Variants in PTPRB observed in about 807,000 individuals in gnomAD.
The protein encoded by PTPRB is protein tyrosine phosphatase receptor type B.
Under a neutral mutation model 238.1 loss-of-function variants are expected in PTPRB, and 97 were observed. The observed-to-expected ratio is 0.41, with a 90% CI of 0.35 to 0.48. The LOEUF (loss-of-function observed/expected upper bound fraction) is 0.48. Among genes scored for constraint, PTPRB ranks in the 20% least tolerant of loss-of-function variants. The pLI is 0.30. For missense variants in PTPRB, 2,292 were observed against 2,681.9 expected (o/e 0.85, Z 3.21); for synonymous variants, 970 against 995.4 (o/e 0.97, Z 0.48).
chr12:70,628,727 A>G (rs777183539), intron 2 of PTPRB, among the ~76,000 whole-genome samples: 1 of 151,996 alleles, frequency 6.6e-6, no homozygotes, highest in Non-Finnish European at 1.5e-5. Flanking sequence ...AATAGATGCA[A>G]CTGTAACTTT....
chr12:70,515,884 G>A lies in PTPRB; in HGVS notation c.*5605C>T, dbSNP rs1482836592. The A allele has an allele frequency of 2.6e-5, 4 of 152,048 alleles. No homozygotes were observed. The highest frequency in any genetic ancestry group is 9.7e-5 in the African/African-American group (4 of 41,402). 9.4% of individuals were successfully genotyped at this position (152,048 alleles called of 1,614,324 possible). On this transcript the variant is annotated 3_prime_UTR_variant, in exon 34 of 34. Transcript: ENST00000334414. The stretch of plus-strand genomic sequence containing the variant: ...GAGCACTCTCCTTCAACAAACTGCA[G>A]TTTTATTCCTGTACTAGTGAGAATG...
At chr12:70,568,995 C>A (rs1879680880) in intron 14 of PTPRB, among the ~76,000 whole-genome samples, 1 of 152,052 alleles carries the variant, frequency 6.6e-6, no homozygotes, top group African/African-American at 2.4e-5. Flanking sequence ...GTTTTTTTAG[C>A]TCTACCAGGT....
intron 8 of PTPRB, among the ~76,000 whole-genome samples, chr12:70,589,050 T>C (rs1230077028): frequency 6.6e-6 from 1 of 152,230 alleles, no homozygotes; most frequent in African/African-American, 2.4e-5. Context: ...ATCTTCCATT[T>C]CCAAGTTATT....
chr12:70,562,338 G>C (rs1878600655), intron 16 of PTPRB, among the ~76,000 whole-genome samples: 1 of 152,118 alleles, frequency 6.6e-6, no homozygotes, highest in Non-Finnish European at 1.5e-5. Context: ...TATGGGAAAA[G>C]GGTAGATTCT....
chr12:70,607,682 G>A (rs965043114), intron 4 of PTPRB, among the ~76,000 whole-genome samples: 4 of 151,456 alleles, frequency 2.6e-5, no homozygotes, highest in East Asian at 1.9e-4. Flanking sequence ...GATTACAGGC[G>A]CCCGCCACCA....
At chr12:70,574,351 G>A (rs558795862) in intron 11 of PTPRB, among the ~76,000 whole-genome samples, 1 of 152,320 alleles carries the variant, frequency 6.6e-6, no homozygotes, top group Non-Finnish European at 1.5e-5. Flanking sequence ...CAGATATGGA[G>A]CAAGGACAGA....
At chr12:70,566,346 A>G (rs1879294484) in intron 15 of PTPRB, 89 bp downstream of exon 15, 9 of 1,442,338 alleles carry the variant, frequency 6.2e-6, no homozygotes, top group South Asian at 4.1e-5. Flanking sequence ...TCATCTCCCA[A>G]TGTTGCTTCA....
At chr12:70,540,698 T>A in intron 23 of PTPRB, 160 bp downstream of exon 23, 3 of 616,594 alleles carry the variant, frequency 4.9e-6, no homozygotes, top group Non-Finnish European at 5.6e-6. Context: ...GAAAAGTGAG[T>A]CATGGCTTTA....
At chr12:70,557,344 T>TC (rs1393977342) in intron 18 of PTPRB, among the ~76,000 whole-genome samples, 168 of 152,330 alleles carry the variant, frequency 1.1e-3, no homozygotes, top group African/African-American at 3.8e-3. Flanking sequence ...GATTTTCTGT[T>TC]ACCCATAGCC....
chr12:70,553,487 A>C (rs1309401219), intron 20 of PTPRB, among the ~76,000 whole-genome samples: 2 of 152,212 alleles, frequency 1.3e-5, no homozygotes, highest in African/African-American at 2.4e-5. Context: ...CGTGCTCCAC[A>C]TGTCATGCCC....
chr12:70,624,133 A>G (rs970591757), intron 2 of PTPRB, among the ~76,000 whole-genome samples: 1 of 152,190 alleles, frequency 6.6e-6, no homozygotes, highest in Non-Finnish European at 1.5e-5. Flanking sequence ...CATTCTATCC[A>G]GTCAAATAAT....
intron 3 of PTPRB, among the ~76,000 whole-genome samples, chr12:70,619,289 G>C (rs1350859428): frequency 6.7e-6 from 1 of 149,988 alleles, no homozygotes; most frequent in African/African-American, 2.5e-5. Flanking sequence ...GATAGTGGGT[G>C]GTGGTGGTGA....
In PTPRB at chr12:70,626,370, C is replaced by T. The variant is rs867638807; in HGVS notation, c.452-3724G>A. 7.5e-4 allele frequency among the ~76,000 whole-genome samples: 51 copies of T among 68,062 alleles called. 1 individual carries two copies. Among genetic ancestry groups the T allele is most frequent in the Admixed American group, 5.1e-3 (31 of 6,066 alleles). 44.7% of individuals were successfully genotyped at this position (68,062 alleles called of 152,430 possible). On this transcript the variant is annotated intron_variant, in intron 2 of 33. Transcript: ENST00000334414. ...ATCTATCTATCTATCTATCTATATT[C>T]CTGCCTGCCTGCCTGCCTGCCTGCC...
chr12:70,592,425 C>T lies in PTPRB; in HGVS notation c.1637G>A (p.Gly546Glu). 2 of 1,613,736 alleles carry T rather than the reference C, an allele frequency of 1.2e-6. No individual in the cohort carries two copies. Among genetic ancestry groups the T allele is most frequent in the Non-Finnish European group, 1.7e-6 (2 of 1,179,828 alleles). The change falls in exon 7 of 34, where the codon GGG becomes GAG. Residue 546 changes from glycine (G) to glutamate (E), a missense_variant. Gly to Glu is a moderately conservative substitution (Grantham distance 98). Transcript: ENST00000334414. ...TAATACTCTGGATTCCTTGATGGTCCCTTTGTGAGACAGGGTGATATTGTA... is the reference window on the plus strand; with the variant it reads ...TAATACTCTGGATTCCTTGATGGTCTCTTTGTGAGACAGGGTGATATTGTA... ...DSYNITLSHK[G>E]TIKESRVLAP...
intron 4 of PTPRB, among the ~76,000 whole-genome samples, chr12:70,607,526 C>G (rs1232256190): frequency 1.3e-5 from 2 of 151,306 alleles, no homozygotes; most frequent in East Asian, 3.9e-4. Flanking sequence ...ATATTAGAAA[C>G]CACCAGATTC....
intron 3 of PTPRB, among the ~76,000 whole-genome samples, chr12:70,616,783 G>C (rs1778993246): frequency 6.6e-6 from 1 of 152,140 alleles, no homozygotes; most frequent in African/African-American, 2.4e-5. Context: ...ATGTGGCAGA[G>C]AAATACTGTC....
At chr12:70,574,549 T>C (rs1452317770) in intron 11 of PTPRB, among the ~76,000 whole-genome samples, 1 of 152,194 alleles carries the variant, frequency 6.6e-6, no homozygotes, top group East Asian at 1.9e-4. Flanking sequence ...AATATCACGT[T>C]AAGTCAATAA....
intron 32 of PTPRB, among the ~76,000 whole-genome samples, chr12:70,531,071 C>G (rs1285986453): frequency 6.6e-6 from 1 of 152,140 alleles, no homozygotes; most frequent in Non-Finnish European, 1.5e-5. Context: ...ATTTTCATTT[C>G]TCTGGTTCAA....
chr12:70,539,771 T>G, intron 25 of PTPRB, 56 bp downstream of exon 25: 2 of 1,595,634 alleles, frequency 1.3e-6, no homozygotes, highest in Non-Finnish European at 1.7e-6. Flanking sequence ...CCATAACTAT[T>G]CTGACTCATA....
Sources: gnomAD v4.1 joint callset for allele counts (sites outside exome capture counted in the v4.1 genomes callset) on GRCh38, gnomAD v4.1.1 for gene constraint, MANE v1.5 for transcripts, NCBI Gene and HGNC (gene_info 2026-07-23, HGNC 2026-07-21) for gene names.